Variants in SCO1 observed in about 807,000 individuals in gnomAD.
SCO1 encodes the protein cytochrome c oxidase assembly factor SCO1.
In SCO1, 23 loss-of-function variants were observed where a neutral mutation model predicts 34.0. The ratio of observed to expected loss-of-function variants is 0.68; its 90% CI spans 0.49 to 0.96. The LOEUF (loss-of-function observed/expected upper bound fraction) is 0.96, where lower values mean the gene tolerates loss of function less well. Ranked by LOEUF, SCO1 falls within the 40% of genes least tolerant of loss-of-function variation. The pLI, the probability that SCO1 is intolerant of heterozygous loss-of-function variation, is 0.00. For missense variants in SCO1, 404 were observed against 381.6 expected, an observed-to-expected ratio of 1.06 and a Z score of -0.49; for synonymous variants, 161 against 145.5, an observed-to-expected ratio of 1.11 and a Z score of -0.77.
rs1189804087 is a variant in SCO1 at position 10,697,413 on chromosome 17, G to A, written c.95C>T (p.Pro32Leu). 6.2e-7 allele frequency: 1 copy of A among 1,609,910 alleles called. No homozygotes were observed. Among genetic ancestry groups the A allele is most frequent in the East Asian group, 2.2e-5 (1 of 44,776 alleles). ...FLPRGLEFWG[P>L]AEGTARVLLR... ...CAAGACTCTCGCAGTCCCCTCGGCT[G>A]GGCCCCAAAACTCGAGTCCGCGAGG... Residue 32 changes from proline (P) to leucine (L), a missense_variant, in exon 1 of 6, where the codon CCA (proline) becomes CTA (leucine). Coordinates refer to ENST00000255390, the MANE Select transcript of SCO1 (RefSeq NM_004589.4).
At chr17:10,685,369 CAT>C (rs1192930818) in intron 5 of SCO1, among the ~76,000 whole-genome samples, 1 of 152,202 alleles carries the variant, frequency 6.6e-6, no homozygotes, top group East Asian at 1.9e-4. Flanking sequence ...GCCGACTCTT[CAT>C]ATGATAGGAG....
intron 5 of SCO1, among the ~76,000 whole-genome samples, chr17:10,686,266 A>G (rs2074655601): frequency 1.3e-5 from 2 of 151,268 alleles, no homozygotes; most frequent in Non-Finnish European, 1.5e-5. Context: ...AGTAAAAAAC[A>G]TGCTTCTATT....
Position 10,681,369 on chromosome 17 carries a change from G to C in SCO1, c.772-116C>G. On this transcript the variant is annotated intron_variant, in intron 5 of 5. Transcript: ENST00000255390. ...CATTAATGCTTAAATAACCTTTACAGCATCTATTATTTATGGAATAGGCTT... is the reference window on the plus strand; with the variant it reads ...CATTAATGCTTAAATAACCTTTACACCATCTATTATTTATGGAATAGGCTT... The C allele has an allele frequency of 3.6e-6, 4 of 1,122,334 alleles. No individual in the cohort carries two copies. In the South Asian group the frequency reaches 5.1e-5, roughly 14 times the overall value. The allele number at this position is 1,122,334 out of a possible 1,614,324, so 69.5% of individuals were successfully genotyped here.
rs571585123 is a variant in SCO1 at position 10,675,048 on chromosome 17, A to C, written c.*6071T>G. The stretch of plus-strand genomic sequence containing the variant: ...CTCAGTGTCAGGGTCCCAGGGCCCT[A>C]GAAGTCTCTAAAAGCCACTGAGCAA... On this transcript the variant is annotated 3_prime_UTR_variant, in exon 6 of 6. Transcript: ENST00000255390. 2.6e-5 allele frequency: 4 copies of C among 152,312 alleles called. No individual in the cohort carries two copies. Among genetic ancestry groups the C allele is most frequent in the African/African-American group, 9.6e-5 (4 of 41,536 alleles). 9.4% of individuals were successfully genotyped at this position (152,312 alleles called of 1,614,324 possible).
At position 10,680,871 on chromosome 17, in the gene SCO1, ACTTCAGCTTGATCCTCTGGT is replaced by A; in HGVS notation, c.*228_*247del. 1.9e-6 allele frequency: 1 copy of A among 536,772 alleles called. No homozygotes were observed. The highest frequency in any genetic ancestry group is 3.3e-6 in the Non-Finnish European group (1 of 300,160). 33.3% of individuals were successfully genotyped at this position (536,772 alleles called of 1,614,324 possible). On this transcript the variant is annotated 3_prime_UTR_variant, in exon 6 of 6. Transcript: ENST00000255390. The stretch of plus-strand genomic sequence containing the variant: ...CACAGGTGGGCTCTTCACTGGCTTC[ACTTCAGCTTGATCCTCTGGT>A]CTCCCCACAGCTTCCTGGGAGACTT...
In SCO1 at chr17:10,681,145, T is replaced by C. The variant is rs760292725; in HGVS notation, c.880A>G (p.Met294Val). 3.1e-6 allele frequency: 5 copies of C among 1,614,172 alleles called. No individual in the cohort carries two copies. The highest frequency in any genetic ancestry group is 4.2e-6 in the Non-Finnish European group (5 of 1,180,014). The change falls in exon 6 of 6, where the codon ATG becomes GTG. Residue 294 changes from methionine (M) to valine (V), a missense_variant. Transcript: ENST00000255390. ...TAGCTCTTTTTTCTGTATGGCCTCA[T>C]GTGTGTGGCAATTGAAGCAGCTATT... ...GEIAASIATH[M>V]RPYRKKS
intron 2 of SCO1, chr17:10,695,437 A>G (rs1235631084): frequency 2.7e-6 from 1 of 364,288 alleles, no homozygotes; most frequent in East Asian, 6.7e-5. Context: ...GTGGTATCCT[A>G]GCTTGGATCC....
At chr17:10,691,121 A>C (rs2074686904) in intron 4 of SCO1, among the ~76,000 whole-genome samples, 1 of 152,112 alleles carries the variant, frequency 6.6e-6, no homozygotes, top group African/African-American at 2.4e-5. Flanking sequence ...GTCATAGTAA[A>C]TGTTTTATTT....
intron 3 of SCO1, 125 bp downstream of exon 3, chr17:10,692,639 T>G: frequency 8.8e-6 from 7 of 794,314 alleles, no homozygotes; most frequent in Non-Finnish European, 1.5e-5. Flanking sequence ...AGCCAAATGC[T>G]GAGATTTTAT....
chr17:10,696,969 G>A (rs1382902182), intron 1 of SCO1, among the ~76,000 whole-genome samples: 5 of 89,742 alleles, frequency 5.6e-5, no homozygotes, highest in African/African-American at 2.2e-4. Context: ...TTTTTTTTTT[G>A]ATGGAAACGC....
At chr17:10,683,582 G>A (rs919868385) in intron 5 of SCO1, among the ~76,000 whole-genome samples, 3 of 152,018 alleles carry the variant, frequency 2.0e-5, no homozygotes, top group African/African-American at 7.2e-5. Flanking sequence ...TATATTTTCA[G>A]ATTTTCTGAC....
At chr17:10,692,434 C>T (rs2074695718) in intron 3 of SCO1, among the ~76,000 whole-genome samples, 1 of 152,134 alleles carries the variant, frequency 6.6e-6, no homozygotes, top group South Asian at 2.1e-4. Flanking sequence ...GACTGCAGAC[C>T]ATTGCAAAGA....
rs1243966132 is a variant in SCO1 at position 10,676,400 on chromosome 17, T to G, written c.*4719A>C. ...GCCACCGTGCCCAGCCAACTGTGGT[T>G]GTTTTTAAAGGACAAAGTTGGTCTC... is the stretch of plus-strand genomic sequence containing the variant. On this transcript the variant is annotated 3_prime_UTR_variant, in exon 6 of 6. Transcript: ENST00000255390. The G allele has an allele frequency of 6.6e-6, 1 of 152,156 alleles. No homozygotes were observed. The highest frequency in any genetic ancestry group is 2.4e-5 in the African/African-American group (1 of 41,434). 9.4% of individuals were successfully genotyped at this position (152,156 alleles called of 1,614,324 possible). A position where few individuals can be genotyped will look rare whatever the true frequency, so the allele number is the denominator to read the frequency against.
At position 10,677,674 on chromosome 17, in the gene SCO1, T is replaced by C. The variant is rs910030315; in HGVS notation, c.*3445A>G. On this transcript the variant is annotated 3_prime_UTR_variant, in exon 6 of 6. Coordinates refer to ENST00000255390, the MANE Select transcript of SCO1 (RefSeq NM_004589.4). ...GCTGCTTCATGAACAGCCAGACACATGAATACATTCATGCCTACTGCATTG... is the reference window on the plus strand; with the variant it reads ...GCTGCTTCATGAACAGCCAGACACACGAATACATTCATGCCTACTGCATTG... 6.6e-6 allele frequency: 1 copy of C among 152,240 alleles called. No homozygotes were observed. The highest frequency in any genetic ancestry group is 2.4e-5 in the African/African-American group (1 of 41,464). 9.4% of individuals were successfully genotyped at this position (152,240 alleles called of 1,614,324 possible). A position where few individuals can be genotyped will look rare whatever the true frequency, so the allele number is the denominator to read the frequency against.
chr17:10,682,823 T>C (rs184664274), intron 5 of SCO1, among the ~76,000 whole-genome samples: 9 of 152,300 alleles, frequency 5.9e-5, no homozygotes, highest in East Asian at 1.9e-4. Context: ...TCTTAAGCCA[T>C]GAAACAGGTA....
intron 5 of SCO1, chr17:10,683,997 G>C: frequency 6.6e-6 from 1 of 152,058 alleles, no homozygotes; most frequent in Non-Finnish European, 1.5e-5. Context: ...TGACCTCAAG[G>C]GACTGAAGTC....
intron 5 of SCO1, among the ~76,000 whole-genome samples, chr17:10,685,795 G>T (rs1394602112): frequency 6.6e-6 from 1 of 152,178 alleles, no homozygotes; most frequent in Non-Finnish European, 1.5e-5. Flanking sequence ...TGTTCCAAAT[G>T]ATGGCTTCTC....
Position 10,674,258 on chromosome 17 carries a change from T to C in SCO1, c.*6861A>G, listed in dbSNP as rs2151447188. The C allele has an allele frequency of 6.2e-6, 1 of 161,492 alleles. No individual in the cohort carries two copies. The highest frequency in any genetic ancestry group is 2.4e-5 in the African/African-American group (1 of 41,596). 10.0% of individuals were successfully genotyped at this position (161,492 alleles called of 1,614,324 possible). ...GGCGAGATCCTGTTTCTACTAAAAA[T>C]ACAAAAATTACCATGCACGCCACCG... On this transcript the variant is annotated 3_prime_UTR_variant, in exon 6 of 6. Coordinates refer to ENST00000255390, the MANE Select transcript of SCO1 (RefSeq NM_004589.4).
At chr17:10,689,103 G>A (rs1423161664) in intron 4 of SCO1, among the ~76,000 whole-genome samples, 4 of 103,546 alleles carry the variant, frequency 3.9e-5, no homozygotes, top group Admixed American at 1.2e-4. Flanking sequence ...GCGACAGAGC[G>A]AGACTCCGTC....
Sources: allele counts gnomAD v4.1 joint callset (sites outside exome capture counted in the v4.1 genomes callset), GRCh38; gene constraint gnomAD v4.1.1; transcripts MANE v1.5; gene names NCBI Gene and HGNC (gene_info 2026-07-23, HGNC 2026-07-21).